The following OSBPL6 variants were observed in gnomAD, a reference collection of about 807,000 sequenced individuals.
OSBPL6 encodes oxysterol binding protein like 6.
Under a neutral mutation model 125.8 loss-of-function variants are expected in OSBPL6, and 49 were observed. That is an observed-to-expected ratio of 0.39 (90% CI 0.31 to 0.49). OSBPL6 has a LOEUF of 0.49. Among genes scored for constraint, OSBPL6 ranks in the 20% least tolerant of loss-of-function variants. The pLI is 0.88. For missense variants in OSBPL6, 986 were observed against 1,135.4 expected (o/e 0.87, Z 1.89); for synonymous variants, 394 against 391.8 (o/e 1.01, Z -0.07).
At chr2:178,382,857 C>T in intron 16 of OSBPL6, 167 bp from the exon 17 acceptor site, 1 of 1,384,612 alleles carries the variant, frequency 7.2e-7, no homozygotes, top group Non-Finnish European at 9.5e-7. Flanking sequence ...TTGTTTTCTG[C>T]ATTTATTAGC....
chr2:178,292,478 CT>C (rs907898825), intron 2 of OSBPL6, among the ~76,000 whole-genome samples: 1 of 152,148 alleles, frequency 6.6e-6, no homozygotes, highest in Non-Finnish European at 1.5e-5. Flanking sequence ...AACACACACG[CT>C]CCCCAAAACT....
chr2:178,249,831 T>TG (rs2091628665), intron 1 of OSBPL6, among the ~76,000 whole-genome samples: 1 of 148,880 alleles, frequency 6.7e-6, no homozygotes, highest in South Asian at 2.1e-4. Context: ...AGAAGTGTTT[T>TG]TTTTTTTTTT....
Position 178,383,277 on chromosome 2 carries a change from G to A in OSBPL6, c.1875G>A (p.Met625Ile). 1 of 1,613,546 alleles carries A rather than the reference G, an allele frequency of 6.2e-7. No individual in the cohort carries two copies. The highest frequency in any genetic ancestry group is 8.5e-7 in the Non-Finnish European group (1 of 1,179,816). Residue 625 changes from methionine to isoleucine, a missense_variant and splice_region_variant, in exon 17 of 25, where the codon ATG becomes ATA. Transcript: ENST00000190611. Reference sequence around the variant, plus strand: ...AAACTGATGATCCATATGAGCGCATGGTAATAAATAACTAACAGAGCAGCG... The same window carrying A: ...AAACTGATGATCCATATGAGCGCATAGTAATAAATAACTAACAGAGCAGCG... Reference protein sequence around the residue: ...ASETDDPYERMVLVAAFAVSG... With the variant: ...ASETDDPYERIVLVAAFAVSG...
intron 1 of OSBPL6, among the ~76,000 whole-genome samples, chr2:178,250,653 C>T (rs1190366219): frequency 6.6e-6 from 1 of 152,192 alleles, no homozygotes; most frequent in African/African-American, 2.4e-5. Flanking sequence ...TGAAACACTC[C>T]TGGGCTCCAT....
chr2:178,269,003 G>A (rs917499252), intron 1 of OSBPL6, among the ~76,000 whole-genome samples: 2 of 152,174 alleles, frequency 1.3e-5, no homozygotes, highest in African/African-American at 2.4e-5. Context: ...CTTTGTGTTT[G>A]TGCTGAGGGT....
chr2:178,227,962 A>G (rs2090632966), intron 1 of OSBPL6, among the ~76,000 whole-genome samples: 1 of 152,170 alleles, frequency 6.6e-6, no homozygotes, highest in Non-Finnish European at 1.5e-5. Context: ...CATGACCCAC[A>G]TGTGAATGTG....
At chr2:178,208,766 G>GTACTTCCATCCT in intron 1 of OSBPL6, among the ~76,000 whole-genome samples, 1 of 124,496 alleles carries the variant, frequency 8.0e-6, no homozygotes, top group East Asian at 2.5e-4. Context: ...CCCTCCTTCT[G>GTACTTCCATCCT]TCCTTCCATC....
intron 1 of OSBPL6, among the ~76,000 whole-genome samples, chr2:178,250,475 C>G (rs772657501): frequency 6.6e-6 from 1 of 152,160 alleles, no homozygotes; most frequent in Non-Finnish European, 1.5e-5. Context: ...ATCTTTCACT[C>G]CCCTTTCCTA....
intron 1 of OSBPL6, among the ~76,000 whole-genome samples, chr2:178,197,442 T>C (rs1006491629): frequency 1.3e-5 from 2 of 152,186 alleles, no homozygotes; most frequent in Non-Finnish European, 2.9e-5. Context: ...GGTGAGTTTC[T>C]AGGTGATCAT....
rs764830773 is a variant in OSBPL6 at position 178,382,462 on chromosome 2, A to G, written c.1576A>G (p.Ile526Val). The G allele has an allele frequency of 6.2e-7, 1 of 1,613,960 alleles. No homozygotes were observed. Among genetic ancestry groups the G allele is most frequent in the South Asian group, 1.1e-5 (1 of 91,042 alleles). Residue 526 changes from isoleucine (I) to valine (V), a missense_variant, in exon 16 of 25, where the codon ATA becomes GTA. Around this residue, in one of 3 missense-constraint regions of OSBPL6, gnomAD observed 843 missense variants for 997.3 expected, o/e 0.85. Coordinates refer to ENST00000190611, the MANE Select transcript of OSBPL6 (RefSeq NM_032523.4). Reference sequence around the variant, plus strand: ...TTACATCAGTGATGTGAGTGATAATATATCTGAAGACAACACCAGTGTTGC... The same window carrying G: ...TTACATCAGTGATGTGAGTGATAATGTATCTGAAGACAACACCAGTGTTGC... ...ESYISDVSDNISEDNTSVADN... is the reference protein window; with the variant it reads ...ESYISDVSDNVSEDNTSVADN...
chr2:178,233,333 C>T (rs1238980830), intron 1 of OSBPL6, among the ~76,000 whole-genome samples: 1 of 152,168 alleles, frequency 6.6e-6, no homozygotes, highest in African/African-American at 2.4e-5. Context: ...TATCTAATTC[C>T]TGCGAACCAG....
In OSBPL6 at chr2:178,306,161, TA is replaced by T; in HGVS notation, c.-20del. On this transcript the variant is annotated 5_prime_UTR_variant, in exon 3 of 25. Transcript: ENST00000190611. ...GAAGATTGGGATGGTCTTAAGTGCA[TA>T]AAACGAGACTCTAACTGCAGCGATG... 3 of 1,504,696 alleles carry T rather than the reference TA, an allele frequency of 2.0e-6. No homozygotes were observed. Among genetic ancestry groups the T allele is most frequent in the Non-Finnish European group, 2.8e-6 (3 of 1,080,622 alleles). The allele number at this position is 1,504,696 out of a possible 1,614,324, so 93.2% of individuals were successfully genotyped here. A position where few individuals can be genotyped will look rare whatever the true frequency, so the allele number is the denominator to read the frequency against.
At chr2:178,331,701 C>T (rs924852525) in intron 6 of OSBPL6, 96 bp downstream of exon 6, 1 of 1,291,310 alleles carries the variant, frequency 7.7e-7, no homozygotes, top group East Asian at 2.3e-5. Context: ...CCATAGTTAC[C>T]AGCTTTGTGC....
intron 1 of OSBPL6, among the ~76,000 whole-genome samples, chr2:178,236,642 G>A (rs1031674317): frequency 2.0e-5 from 3 of 152,212 alleles, no homozygotes; most frequent in African/African-American, 2.4e-5. Context: ...TCTCAAGTAA[G>A]TGGTCTCCAA....
chr2:178,344,139 G>A, intron 11 of OSBPL6: 2 of 641,696 alleles, frequency 3.1e-6, no homozygotes. Flanking sequence ...GAACTCCCCT[G>A]TGAGCGCTTT....
chr2:178,304,023 C>T (rs1009700395), intron 2 of OSBPL6, among the ~76,000 whole-genome samples: 2 of 152,154 alleles, frequency 1.3e-5, no homozygotes, highest in South Asian at 4.1e-4. Flanking sequence ...TAACAGAATA[C>T]CCAAGACTGG....
At chr2:178,322,646 G>T (rs2154071626) in intron 3 of OSBPL6, among the ~76,000 whole-genome samples, 1 of 151,934 alleles carries the variant, frequency 6.6e-6, no homozygotes, top group African/African-American at 2.4e-5. Flanking sequence ...TTATTTGAAT[G>T]AAGTTTTTTG....
intron 1 of OSBPL6, among the ~76,000 whole-genome samples, chr2:178,198,293 G>A (rs778865515): frequency 1.7e-4 from 26 of 152,126 alleles, no homozygotes; most frequent in Non-Finnish European, 2.2e-4. Context: ...GAATCTTGGC[G>A]TGTAGTATCA....
rs1695950043 is a variant in OSBPL6, at chr2:178,398,012, T to C, written c.*2453T>C. ...CCAATTCAAGTGTTCAGTTAAGTTT[T>C]AGTTACTATTCCTATAATACCCAAT... On this transcript the variant is annotated 3_prime_UTR_variant, in exon 25 of 25. Transcript: ENST00000190611. The C allele has an allele frequency of 6.6e-6, 1 of 152,250 alleles. No individual in the cohort carries two copies. The highest frequency in any genetic ancestry group is 2.1e-4 in the South Asian group (1 of 4,834). The allele number at this position is 152,250 out of a possible 1,614,324, so 9.4% of individuals were successfully genotyped here.
Sources: gnomAD v4.1 joint callset for allele counts (sites outside exome capture counted in the v4.1 genomes callset) on GRCh38, gnomAD v4.1.1 for gene constraint, gnomAD v4.1.1 regional missense constraint, MANE v1.5 for transcripts, NCBI Gene and HGNC (gene_info 2026-07-23, HGNC 2026-07-21) for gene names.